GRM7: variants seen among roughly 807,000 people sequenced by gnomAD.
The protein encoded by GRM7 is glutamate metabotropic receptor 7.
Under a neutral mutation model 84.5 loss-of-function variants are expected in GRM7, and 35 were observed. The ratio of observed to expected loss-of-function variants is 0.41; its 90% confidence interval spans 0.32 to 0.55. The LOEUF is 0.55. Among genes scored for constraint, GRM7 ranks in the 20% least tolerant of loss-of-function variants. The probability of loss-of-function intolerance (pLI) is 0.19; values close to 1 mark genes in which losing one functional copy is unlikely to be tolerated. For synonymous variants in GRM7, 487 were observed against 455.1 expected, an observed-to-expected ratio of 1.07 and a Z score of -0.89; for missense variants, 1,003 against 1,194.6, an observed-to-expected ratio of 0.84 and a Z score of 2.36.
rs973425562 is a variant in GRM7 at position 7,673,623 on chromosome 3, C to T, written c.2452-6426C>T. Reference sequence around the variant, plus strand: ...TACTACAATAAATGTATCACTTTACCTGATAAAAAGTGACCTGAAATTTTT... The same window carrying T: ...TACTACAATAAATGTATCACTTTACTTGATAAAAAGTGACCTGAAATTTTT... On this transcript the variant is annotated intron_variant, in intron 8 of 9. Coordinates refer to ENST00000357716, the MANE Select transcript of GRM7 (RefSeq NM_000844.4). Among the ~76,000 whole-genome samples the T allele has an allele frequency of 2.0e-5, 3 of 151,890 alleles. No individual in the cohort carries two copies. In the South Asian group the frequency reaches 6.2e-4, roughly 32 times the overall value.
At chr3:6,991,259 T>A (rs1352623521) in intron 1 of GRM7, among the ~76,000 whole-genome samples, 2 of 152,148 alleles carry the variant, frequency 1.3e-5, no homozygotes, top group African/African-American at 2.4e-5. Context: ...GAATGAGACT[T>A]TTACACCACG....
At chr3:7,009,436 G>C (rs1012081274) in intron 1 of GRM7, among the ~76,000 whole-genome samples, 1 of 152,202 alleles carries the variant, frequency 6.6e-6, no homozygotes, top group African/African-American at 2.4e-5. Context: ...TGGTGAGACT[G>C]AGTTGCAGTA....
chr3:7,314,790 C>T (rs1700524917), intron 4 of GRM7, among the ~76,000 whole-genome samples: 1 of 151,948 alleles, frequency 6.6e-6, no homozygotes, highest in Admixed American at 6.6e-5. Flanking sequence ...GTCCATTTTT[C>T]CTCCCTTTGA....
chr3:6,913,957 T>C (rs1401878102), intron 1 of GRM7, among the ~76,000 whole-genome samples: 2 of 152,208 alleles, frequency 1.3e-5, no homozygotes, highest in East Asian at 3.9e-4. Flanking sequence ...TACATACTCC[T>C]GTCTTTAAAA....
At chr3:7,410,676 A>G (rs544970166) in intron 4 of GRM7, among the ~76,000 whole-genome samples, 135 of 151,894 alleles carry the variant, frequency 8.9e-4, no homozygotes, top group Admixed American at 3.0e-3. Context: ...ACACACACAC[A>G]CACGCACATT....
chr3:6,875,676 C>G (rs1368658860), intron 1 of GRM7, among the ~76,000 whole-genome samples: 1 of 152,150 alleles, frequency 6.6e-6, no homozygotes, highest in Non-Finnish European at 1.5e-5. Flanking sequence ...CACATTTTTA[C>G]CTGCTTATAA....
chr3:7,479,928 C>G (rs1055836927), intron 7 of GRM7, among the ~76,000 whole-genome samples: 2 of 152,204 alleles, frequency 1.3e-5, no homozygotes, highest in Non-Finnish European at 2.9e-5. Context: ...TTTTACCTTG[C>G]TACTGTGGCA....
intron 1 of GRM7, among the ~76,000 whole-genome samples, chr3:6,945,817 T>C (rs1698056825): frequency 6.6e-6 from 1 of 152,236 alleles, no homozygotes; most frequent in Non-Finnish European, 1.5e-5. Flanking sequence ...TGGCCAGTGA[T>C]GGTGAGCATT....
At chr3:7,173,399 C>A (rs1196845934) in intron 2 of GRM7, among the ~76,000 whole-genome samples, 1 of 152,112 alleles carries the variant, frequency 6.6e-6, no homozygotes, top group Non-Finnish European at 1.5e-5. Context: ...CGGCTCCACC[C>A]CATCCCTCTT....
chr3:6,897,179 T>G (rs1250249280), intron 1 of GRM7, among the ~76,000 whole-genome samples: 1 of 152,194 alleles, frequency 6.6e-6, no homozygotes, highest in East Asian at 1.9e-4. Flanking sequence ...ACCCTAAAAG[T>G]TCTGTACCTC....
Position 7,306,488 on chromosome 3 carries a change from C to T in GRM7, c.879-10C>T. ...ATCATTAATATAACTTTCCATATTT[C>T]TTTCCACAGGCAGATCCTTGCAGCA... On this transcript the variant is annotated splice_polypyrimidine_tract_variant and intron_variant, in intron 3 of 9. Coordinates refer to ENST00000357716, the MANE Select transcript of GRM7 (RefSeq NM_000844.4). 6.2e-7 allele frequency: 1 copy of T among 1,612,436 alleles called. No individual in the cohort carries two copies. The highest frequency in any genetic ancestry group is 8.5e-7 in the Non-Finnish European group (1 of 1,178,530).
chr3:7,446,711 C>T (rs1293628832), intron 5 of GRM7, among the ~76,000 whole-genome samples: 2 of 152,168 alleles, frequency 1.3e-5, no homozygotes, highest in Non-Finnish European at 2.9e-5. Flanking sequence ...CTGCCCACTT[C>T]GGCCTCCCAA....
chr3:7,046,682 G>A (rs1219595971), intron 1 of GRM7, among the ~76,000 whole-genome samples: 1 of 152,084 alleles, frequency 6.6e-6, no homozygotes, highest in East Asian at 1.9e-4. Context: ...AGTTAAGTGA[G>A]TGAGTGAGAC....
At chr3:6,986,320 A>G (rs897735584) in intron 1 of GRM7, among the ~76,000 whole-genome samples, 1 of 152,226 alleles carries the variant, frequency 6.6e-6, no homozygotes, top group African/African-American at 2.4e-5. Flanking sequence ...GTACATGCAT[A>G]TGTCCAAACT....
chr3:7,142,377 G>A (rs897509773), intron 1 of GRM7, among the ~76,000 whole-genome samples: 1 of 152,112 alleles, frequency 6.6e-6, no homozygotes, highest in Admixed American at 6.6e-5. Context: ...CAGCATGGCT[G>A]GGGAGGCCTC....
intron 4 of GRM7, among the ~76,000 whole-genome samples, chr3:7,381,521 T>C (rs1484639595): frequency 6.6e-6 from 1 of 152,102 alleles, no homozygotes; most frequent in Non-Finnish European, 1.5e-5. Flanking sequence ...AAATATAAAC[T>C]AAGTTTTCTA....
At chr3:7,157,054 A>T (rs2125075256) in intron 2 of GRM7, among the ~76,000 whole-genome samples, 1 of 152,256 alleles carries the variant, frequency 6.6e-6, no homozygotes, top group Middle Eastern at 3.4e-3. Context: ...GGATGGGAAA[A>T]GAGGCTACTC....
chr3:7,410,728 A>T (rs1009104524), intron 4 of GRM7, among the ~76,000 whole-genome samples: 8 of 152,002 alleles, frequency 5.3e-5, no homozygotes, highest in Admixed American at 4.6e-4. Context: ...TATATGTTAA[A>T]TATGCCCTAC....
At chr3:7,375,112 G>C (rs1477292836) in intron 4 of GRM7, among the ~76,000 whole-genome samples, 2 of 151,622 alleles carry the variant, frequency 1.3e-5, no homozygotes, top group African/African-American at 2.4e-5. Flanking sequence ...ACTTGAATTT[G>C]AAATGTGATT....
Sources: gnomAD v4.1 joint callset for allele counts (sites outside exome capture counted in the v4.1 genomes callset) on GRCh38, gnomAD v4.1.1 for gene constraint, MANE v1.5 for transcripts, NCBI Gene and HGNC (gene_info 2026-07-23, HGNC 2026-07-21) for gene names.